The following RGS6 variants were observed in gnomAD, a reference collection of about 807,000 sequenced individuals.
RGS6 encodes regulator of G-protein signaling 6.
RGS6 carries 30 observed loss-of-function variants against 78.5 expected under a neutral mutation model. The ratio of observed to expected loss-of-function variants is 0.38; its 90% CI spans 0.29 to 0.52. RGS6 has a LOEUF of 0.52. Among genes scored for constraint, RGS6 ranks in the 20% least tolerant of loss-of-function variants. The pLI is 0.85. For missense variants in RGS6, 495 were observed against 609.7 expected, an observed-to-expected ratio of 0.81 and a Z score of 1.98; for synonymous variants, 206 against 206.0, an observed-to-expected ratio of 1.00 and a Z score of 0.00.
At chr14:71,931,291 C>A (rs950744092), upstream of RGS6, among the ~76,000 whole-genome samples, 3 of 151,924 alleles carry the variant, frequency 2.0e-5, no homozygotes, top group African/African-American at 7.3e-5. Context: ...TACCATAACA[C>A]ACATGTCTGC....
intron 2 of RGS6, among the ~76,000 whole-genome samples, chr14:71,982,856 G>C (rs987149043): frequency 2.0e-5 from 3 of 152,170 alleles, no homozygotes; most frequent in African/African-American, 7.2e-5. Flanking sequence ...GCTCTCATCA[G>C]GAGGGTGTTT....
At chr14:72,218,302 A>T (rs779630808) in intron 2 of RGS6, among the ~76,000 whole-genome samples, 1 of 152,138 alleles carries the variant, frequency 6.6e-6, no homozygotes, top group Non-Finnish European at 1.5e-5. Context: ...GATTATCATG[A>T]TTCCACTTAG....
chr14:72,327,925 A>G (rs1424501363), intron 2 of RGS6, among the ~76,000 whole-genome samples: 3 of 152,110 alleles, frequency 2.0e-5, no homozygotes, highest in African/African-American at 4.8e-5. Context: ...ATATAGATAT[A>G]TATATATAAG....
upstream of RGS6, among the ~76,000 whole-genome samples, chr14:71,931,678 T>A (rs1025536331): frequency 6.6e-6 from 1 of 152,232 alleles, no homozygotes; most frequent in Non-Finnish European, 1.5e-5. Flanking sequence ...CGTCCAGCAC[T>A]AGTGATCTTG....
chr14:72,538,126 CCTTCTGTTT>C (rs1392969798), intron 16 of RGS6, among the ~76,000 whole-genome samples: 4 of 152,228 alleles, frequency 2.6e-5, no homozygotes, highest in African/African-American at 9.6e-5. Flanking sequence ...CCTGCTTTCT[CCTTCTGTTT>C]CTTCCTGAGA....
intron 2 of RGS6, among the ~76,000 whole-genome samples, chr14:72,296,799 G>C (rs2064923079): frequency 6.6e-6 from 1 of 152,038 alleles, no homozygotes; most frequent in Non-Finnish European, 1.5e-5. Context: ...TTAAATTTAT[G>C]GATATTTTTC....
chr14:72,512,013 G>A (rs1459143860), intron 14 of RGS6, among the ~76,000 whole-genome samples: 1 of 152,134 alleles, frequency 6.6e-6, no homozygotes, highest in African/African-American at 2.4e-5. Context: ...TGGCCAGCTT[G>A]ATGGACCCAG....
chr14:72,539,029 A>C (rs939837630), intron 16 of RGS6, among the ~76,000 whole-genome samples: 2 of 152,194 alleles, frequency 1.3e-5, no homozygotes, highest in Non-Finnish European at 2.9e-5. Context: ...CGAACTTCTC[A>C]GCCTCGGGCT....
intron 2 of RGS6, among the ~76,000 whole-genome samples, chr14:72,058,724 A>G: frequency 6.6e-6 from 1 of 152,124 alleles, no homozygotes; most frequent in Non-Finnish European, 1.5e-5. Context: ...GACCTGACTG[A>G]TACTTTTGAC....
chr14:71,907,735 C>T, the RGS6 span, among the ~76,000 whole-genome samples: 1 of 151,984 alleles, frequency 6.6e-6, no homozygotes, highest in South Asian at 2.1e-4. Context: ...TGCAGTGGCC[C>T]ATGCAAGAAA....
At chr14:72,483,547 T>C (rs1193197293) in intron 12 of RGS6, among the ~76,000 whole-genome samples, 1 of 152,208 alleles carries the variant, frequency 6.6e-6, no homozygotes, top group African/African-American at 2.4e-5. Flanking sequence ...CCTAAGGGTC[T>C]ATTAAAAACC....
chr14:72,394,095 G>A (rs538822267), intron 3 of RGS6, among the ~76,000 whole-genome samples: 2 of 152,000 alleles, frequency 1.3e-5, no homozygotes, highest in South Asian at 2.1e-4. Context: ...CATTTATCAG[G>A]GGAACCCACC....
At chr14:72,233,856 G>A (rs1345220686) in intron 2 of RGS6, among the ~76,000 whole-genome samples, 2 of 152,162 alleles carry the variant, frequency 1.3e-5, no homozygotes, top group African/African-American at 2.4e-5. Context: ...GGGCTGTTTC[G>A]AGAGCAAGCC....
intron 3 of RGS6, among the ~76,000 whole-genome samples, chr14:72,393,579 C>T (rs1257965467): frequency 6.6e-6 from 1 of 152,208 alleles, no homozygotes; most frequent in Non-Finnish European, 1.5e-5. Context: ...AACTCTTAAA[C>T]TTATCACCTT....
At chr14:72,519,251 A>G (rs1384655072) in intron 15 of RGS6, among the ~76,000 whole-genome samples, 14 of 152,208 alleles carry the variant, frequency 9.2e-5, no homozygotes, top group Admixed American at 9.2e-4. Flanking sequence ...CCAGCAGACT[A>G]AATTTTGACG....
chr14:72,580,307 T>TCCCCC, the RGS6 span, among the ~76,000 whole-genome samples: 247 of 127,274 alleles, frequency 1.9e-3, 5 homozygotes, highest in African/African-American at 3.3e-3. Context: ...AGCAAAAATG[T>TCCCCC]CCCCCCCACC....
intron 2 of RGS6, among the ~76,000 whole-genome samples, chr14:72,150,259 C>T (rs888170746): frequency 1.3e-5 from 2 of 152,056 alleles, no homozygotes; most frequent in African/African-American, 4.8e-5. Context: ...GCATCTAGAA[C>T]CAAGGAATGC....
At chr14:72,076,064 C>T (rs2153463736) in intron 2 of RGS6, among the ~76,000 whole-genome samples, 1 of 152,316 alleles carries the variant, frequency 6.6e-6, no homozygotes, top group Admixed American at 6.5e-5. Context: ...TCTAAGCAGT[C>T]CTGGGAGACC....
intron 3 of RGS6, among the ~76,000 whole-genome samples, chr14:72,367,723 T>C (rs1028971017): frequency 4.1e-4 from 63 of 152,230 alleles, no homozygotes; most frequent in African/African-American, 1.4e-3. Context: ...ACCTAAACAT[T>C]TAAAAGTATT....
Sources: gnomAD v4.1 joint callset for allele counts (sites outside exome capture counted in the v4.1 genomes callset) on GRCh38, gnomAD v4.1.1 for gene constraint, MANE v1.5 for transcripts, NCBI Gene and HGNC (gene_info 2026-07-23, HGNC 2026-07-21) for gene names.